Variants in SNTG1 observed in about 807,000 individuals in gnomAD.
SNTG1 encodes gamma-1-syntrophin.
In SNTG1, 39 loss-of-function variants were observed where a neutral mutation model predicts 74.7. The ratio of observed to expected loss-of-function variants is 0.52; its 90% CI spans 0.40 to 0.68. The LOEUF is 0.68. Among genes scored for constraint, SNTG1 ranks in the 30% least tolerant of loss-of-function variants. The pLI is 0.00. For synonymous variants in SNTG1, 254 were observed against 217.1 expected (o/e 1.17, Z -1.49); for missense variants, 685 against 609.5 (o/e 1.12, Z -1.30).
Position 49,999,817 on chromosome 8 carries a change from G to T in SNTG1, c.-103+87586G>T, listed in dbSNP as rs555574655. 5.3e-5 allele frequency among the ~76,000 whole-genome samples: 8 copies of T among 151,966 alleles called. No homozygotes were observed. In the South Asian group the frequency reaches 1.7e-3, roughly 32 times the overall value. ...TCCTCTGTGGTACTTGATATTGGCT[G>T]GTATAATAATTACACTGAATATTTC... is the stretch of plus-strand genomic sequence containing the variant. On this transcript the variant is annotated intron_variant, in intron 1 of 18. Transcript: ENST00000642720.
At chr8:50,738,862 G>T (rs552920940) in intron 17 of SNTG1, among the ~76,000 whole-genome samples, 1 of 151,544 alleles carries the variant, frequency 6.6e-6, no homozygotes, top group African/African-American at 2.4e-5. Flanking sequence ...CTAGCCATAC[G>T]CAGAAAACTG....
chr8:50,744,222 A>T (rs969202982), intron 17 of SNTG1, among the ~76,000 whole-genome samples: 3 of 152,042 alleles, frequency 2.0e-5, no homozygotes, highest in Non-Finnish European at 4.4e-5. Context: ...GCTAATACAT[A>T]ATAATAGCAA....
At chr8:50,211,954 A>G (rs1447743680) in intron 2 of SNTG1, among the ~76,000 whole-genome samples, 1 of 152,168 alleles carries the variant, frequency 6.6e-6, no homozygotes, top group African/African-American at 2.4e-5. Context: ...GAAAATAAAT[A>G]AAATAAAAAG....
intron 18 of SNTG1, among the ~76,000 whole-genome samples, chr8:50,763,326 G>A (rs1184704053): frequency 6.6e-6 from 1 of 151,884 alleles, no homozygotes; most frequent in African/African-American, 2.4e-5. Flanking sequence ...ATTTTAGAAA[G>A]GGGGTGTTTA....
intron 9 of SNTG1, among the ~76,000 whole-genome samples, chr8:50,526,216 G>T (rs75418218): frequency 6.6e-6 from 1 of 152,006 alleles, no homozygotes; most frequent in Non-Finnish European, 1.5e-5. Flanking sequence ...AGTATGCTAT[G>T]TCTATCAGTG....
At chr8:50,131,317 T>A (rs1451276926) in intron 1 of SNTG1, among the ~76,000 whole-genome samples, 1 of 152,134 alleles carries the variant, frequency 6.6e-6, no homozygotes, top group Non-Finnish European at 1.5e-5. Flanking sequence ...TTTTTGCAGC[T>A]TTTTTGGAGG....
chr8:50,386,251 C>T (rs527421566), intron 2 of SNTG1, among the ~76,000 whole-genome samples: 6 of 152,226 alleles, frequency 3.9e-5, no homozygotes, highest in South Asian at 4.1e-4. Context: ...TAAAACTCCG[C>T]TGGTTACTTC....
At chr8:50,761,893 A>G (rs2095600046) in intron 18 of SNTG1, among the ~76,000 whole-genome samples, 1 of 152,006 alleles carries the variant, frequency 6.6e-6, no homozygotes, top group Non-Finnish European at 1.5e-5. Flanking sequence ...AAAATGTAAG[A>G]AGTGTTAAAT....
intron 17 of SNTG1, among the ~76,000 whole-genome samples, chr8:50,743,315 G>A (rs1563800555): frequency 6.6e-6 from 1 of 151,804 alleles, no homozygotes; most frequent in Non-Finnish European, 1.5e-5. Flanking sequence ...TGGCCAAGTA[G>A]TATTTATTAA....
chr8:50,146,475 G>C (rs1429878335), intron 1 of SNTG1, among the ~76,000 whole-genome samples: 4 of 152,070 alleles, frequency 2.6e-5, no homozygotes, highest in Admixed American at 1.3e-4. Flanking sequence ...CCAAGATCAC[G>C]CCATTGCACT....
chr8:49,982,219 T>G (rs1477130107), intron 1 of SNTG1, among the ~76,000 whole-genome samples: 4 of 152,130 alleles, frequency 2.6e-5, no homozygotes, highest in Admixed American at 2.0e-4. Flanking sequence ...AGTTATAATA[T>G]GTATGGGCAC....
At position 50,005,533 on chromosome 8, in the gene SNTG1, G is replaced by T. The variant is rs142509869; in HGVS notation, c.-103+93302G>T. On this transcript the variant is annotated intron_variant, in intron 1 of 18. Coordinates refer to ENST00000642720, the MANE Select transcript of SNTG1 (RefSeq NM_018967.5). ...CAATATGGTATATATTTGTTAAATA[G>T]AATTTAAATAGAATTTTATTGAAAA... Among the ~76,000 whole-genome samples the T allele has an allele frequency of 2.3e-3, 346 of 151,482 alleles. 2 individuals are homozygous for T. The highest frequency in any genetic ancestry group is 5.9e-3 in the Admixed American group (90 of 15,186).
chr8:50,443,240 T>A (rs112202816), intron 5 of SNTG1, among the ~76,000 whole-genome samples: 4,232 of 152,274 alleles, frequency 0.028, 186 homozygotes, highest in African/African-American at 0.095. Flanking sequence ...ACTATCTAGC[T>A]GCACATTATT....
intron 12 of SNTG1, among the ~76,000 whole-genome samples, chr8:50,568,467 TC>T (rs2094528818): frequency 6.6e-6 from 1 of 152,122 alleles, no homozygotes; most frequent in Non-Finnish European, 1.5e-5. Flanking sequence ...GTGTGAGGGT[TC>T]TCCTTTCTCC....
At chr8:50,569,189 A>ATCAG (rs1340924436) in intron 12 of SNTG1, among the ~76,000 whole-genome samples, 1 of 152,148 alleles carries the variant, frequency 6.6e-6, no homozygotes, top group Non-Finnish European at 1.5e-5. Context: ...TAGCTTCTGG[A>ATCAG]TCAGTCAGTC....
intron 15 of SNTG1, among the ~76,000 whole-genome samples, chr8:50,672,512 G>A (rs1233269886): frequency 7.2e-6 from 1 of 139,752 alleles, no homozygotes. Flanking sequence ...CATATCCTCT[G>A]CACACTTTTT....
intron 13 of SNTG1, among the ~76,000 whole-genome samples, chr8:50,601,996 C>G (rs997901546): frequency 6.6e-6 from 1 of 151,876 alleles, no homozygotes; most frequent in Non-Finnish European, 1.5e-5. Context: ...TATTTTCAGT[C>G]TTTGTGTATC....
intron 1 of SNTG1, among the ~76,000 whole-genome samples, chr8:49,974,007 AG>A (rs576687345): frequency 1.3e-5 from 2 of 152,176 alleles, no homozygotes; most frequent in Non-Finnish European, 2.9e-5. Flanking sequence ...TTAGAATGTT[AG>A]GCTGTTTCCT....
chr8:50,500,845 T>C (rs1245103031), intron 8 of SNTG1, among the ~76,000 whole-genome samples: 2 of 152,112 alleles, frequency 1.3e-5, no homozygotes, highest in Non-Finnish European at 1.5e-5. Context: ...CCCAGGTCAG[T>C]GCTGGTTATG....
Sources: allele counts gnomAD v4.1 joint callset (sites outside exome capture counted in the v4.1 genomes callset), GRCh38; gene constraint gnomAD v4.1.1; transcripts MANE v1.5; gene names NCBI Gene and HGNC (gene_info 2026-07-23, HGNC 2026-07-21).